ATP10B: variants seen among roughly 807,000 people sequenced by gnomAD.
The protein encoded by ATP10B is phospholipid-transporting ATPase VB.
In ATP10B, 122 loss-of-function variants were observed where a neutral mutation model predicts 141.2. The ratio of observed to expected loss-of-function variants is 0.86; its 90% CI spans 0.75 to 1.00. The LOEUF (loss-of-function observed/expected upper bound fraction) is 1.00, where lower values mean the gene tolerates loss of function less well. Ranked by LOEUF, ATP10B falls within the 50% of genes least tolerant of loss-of-function variation. The pLI, the probability that ATP10B is intolerant of heterozygous loss-of-function variation, is 0.00. For missense variants in ATP10B, 1,876 were observed against 1,825.3 expected (o/e 1.03, Z -0.51); for synonymous variants, 685 against 692.0 (o/e 0.99, Z 0.16).
chr5:160,795,737 C>T (rs923495986), intron 1 of ATP10B, among the ~76,000 whole-genome samples: 13 of 151,760 alleles, frequency 8.6e-5, no homozygotes, highest in African/African-American at 2.2e-4. Flanking sequence ...AAAGGCAACG[C>T]GACCACAGAA....
chr5:160,620,136 T>C (rs968144940), intron 15 of ATP10B, among the ~76,000 whole-genome samples: 3 of 152,232 alleles, frequency 2.0e-5, no homozygotes, highest in Non-Finnish European at 2.9e-5. Flanking sequence ...TCTTTAAATA[T>C]GCTAATGGAC....
At chr5:160,925,883 GCA>G in the ATP10B span, among the ~76,000 whole-genome samples, 19 of 152,212 alleles carry the variant, frequency 1.2e-4, no homozygotes, top group African/African-American at 4.3e-4. Context: ...GAATAAAAGT[GCA>G]CAGTTTCCAA....
At chr5:160,821,665 G>T (rs1321884773) in intron 1 of ATP10B, among the ~76,000 whole-genome samples, 2 of 152,030 alleles carry the variant, frequency 1.3e-5, no homozygotes, top group Non-Finnish European at 1.5e-5. Flanking sequence ...CAGACACATA[G>T]ATCAGCAGAG....
At chr5:160,685,065 G>A in intron 6 of ATP10B, 1 of 703,602 alleles carries the variant, frequency 1.4e-6, no homozygotes, top group East Asian at 2.7e-5. Context: ...TGGGGACGAA[G>A]GACAACACGG....
the ATP10B span, among the ~76,000 whole-genome samples, chr5:160,864,655 G>T: frequency 1.3e-5 from 2 of 151,938 alleles, no homozygotes; most frequent in African/African-American, 4.8e-5. Flanking sequence ...TTACTGATAT[G>T]ATTGTATACC....
At chr5:160,751,781 G>A (rs1300803453) in intron 2 of ATP10B, among the ~76,000 whole-genome samples, 1 of 152,222 alleles carries the variant, frequency 6.6e-6, no homozygotes, top group Non-Finnish European at 1.5e-5. Context: ...TGTGTGCACA[G>A]TGTACTTAAG....
intron 13 of ATP10B, among the ~76,000 whole-genome samples, chr5:160,631,071 G>A (rs1758899833): frequency 1.3e-5 from 2 of 152,140 alleles, no homozygotes; most frequent in South Asian, 4.1e-4. Context: ...GTGTATTCAT[G>A]GGGGAAATAA....
At chr5:160,637,198 A>T (rs555878057) in intron 10 of ATP10B, among the ~76,000 whole-genome samples, 1 of 150,896 alleles carries the variant, frequency 6.6e-6, no homozygotes, top group African/African-American at 2.4e-5. Context: ...CTATCCATTC[A>T]TCTATCTATT....
At position 160,670,455 on chromosome 5, in the gene ATP10B, A is replaced by G; in HGVS notation, c.675+8T>C. ...CTTTACCATTGAAGATATTAGAAAG[A>G]GCCCTACCTGCTGTGAGAAGCCCTT... On this transcript the variant is annotated splice_region_variant and intron_variant, in intron 7 of 25. Transcript: ENST00000327245. 1 of 1,613,764 alleles carries G rather than the reference A, an allele frequency of 6.2e-7. No homozygotes were observed.
chr5:160,806,594 G>C (rs1046705592), intron 1 of ATP10B, among the ~76,000 whole-genome samples: 2 of 152,202 alleles, frequency 1.3e-5, no homozygotes, highest in African/African-American at 4.8e-5. Flanking sequence ...CTAAGGAAGG[G>C]GGGGATAATG....
At chr5:160,683,305 C>G (rs1581349440) in intron 6 of ATP10B, among the ~76,000 whole-genome samples, 1 of 152,218 alleles carries the variant, frequency 6.6e-6, no homozygotes, top group East Asian at 1.9e-4. Flanking sequence ...CAACTGTGTC[C>G]CTCCAAGCAA....
intron 1 of ATP10B, among the ~76,000 whole-genome samples, chr5:160,811,492 G>A (rs1773147986): frequency 6.6e-6 from 1 of 151,966 alleles, no homozygotes; most frequent in Non-Finnish European, 1.5e-5. Flanking sequence ...TTCATCACAA[G>A]CTGCTGAAGA....
chr5:160,904,600 A>T, the ATP10B span, among the ~76,000 whole-genome samples: 5 of 152,156 alleles, frequency 3.3e-5, no homozygotes, highest in African/African-American at 1.2e-4. Flanking sequence ...TTTTAGGCAA[A>T]ATATATATTT....
chr5:160,791,449 C>G (rs993088949), intron 1 of ATP10B, among the ~76,000 whole-genome samples: 4 of 152,098 alleles, frequency 2.6e-5, no homozygotes, highest in Non-Finnish European at 5.9e-5. Flanking sequence ...ATGACAGTGA[C>G]TTGAACACCT....
At chr5:160,778,367 C>A (rs4921335) in intron 2 of ATP10B, among the ~76,000 whole-genome samples, 1 of 151,982 alleles carries the variant, frequency 6.6e-6, no homozygotes, top group Non-Finnish European at 1.5e-5. Context: ...TCCTCCAATA[C>A]CCTTCCTGAA....
the ATP10B span, among the ~76,000 whole-genome samples, chr5:160,922,159 G>A: frequency 6.6e-6 from 1 of 152,282 alleles, no homozygotes; most frequent in East Asian, 1.9e-4. Flanking sequence ...GCAGAACTCA[G>A]CTGAAGGGAA....
Position 160,564,489 on chromosome 5 carries a change from G to C in ATP10B, c.*964C>G, listed in dbSNP as rs1011930832. 9 of 152,032 alleles carry C rather than the reference G, an allele frequency of 5.9e-5. No individual in the cohort carries two copies. Among genetic ancestry groups the C allele is most frequent in the Non-Finnish European group, 1.2e-4 (8 of 68,026 alleles). 9.4% of individuals were successfully genotyped at this position (152,032 alleles called of 1,614,324 possible). On this transcript the variant is annotated 3_prime_UTR_variant, in exon 26 of 26. Transcript: ENST00000327245. ...CCCCATTCTGGAATAGGCTGAATGG[G>C]GTTTCAGATTAGTTCTACCCTTGAA...
Position 160,829,207 on chromosome 5 carries a change from TAATA to T in ATP10B, c.-576+22730_-576+22733del, listed in dbSNP as rs546287679. Among the ~76,000 whole-genome samples, 309 of 149,400 alleles carry T rather than the reference TAATA, an allele frequency of 2.1e-3. 1 individual carries two copies. Among genetic ancestry groups the T allele is most frequent in the African/African-American group, 3.7e-3 (149 of 40,776 alleles). ...ATGTACCCTAAAACTTAAAGTATAA[TAATA>T]AAAAAAAAAGCAATTCGTTGTTTTT... On this transcript the variant is annotated intron_variant, in intron 1 of 25. Transcript: ENST00000327245.
At chr5:160,783,443 TC>T (rs1561848720) in intron 2 of ATP10B, among the ~76,000 whole-genome samples, 6 of 104,216 alleles carry the variant, frequency 5.8e-5, no homozygotes, top group African/African-American at 2.2e-4. Flanking sequence ...GATATATCCA[TC>T]ACATATATAT....
Sources: allele counts gnomAD v4.1 joint callset (sites outside exome capture counted in the v4.1 genomes callset), GRCh38; gene constraint gnomAD v4.1.1; transcripts MANE v1.5; gene names NCBI Gene and HGNC (gene_info 2026-07-23, HGNC 2026-07-21).